Variants in ENTPD4 observed in about 807,000 individuals in gnomAD.
The protein encoded by ENTPD4 is ectonucleoside triphosphate diphosphohydrolase 4, also known as Golgi UDPase.
A neutral mutation model predicts 79.1 loss-of-function variants in ENTPD4; 60 were observed. The observed-to-expected ratio is 0.76, with a 90% CI of 0.62 to 0.94. The LOEUF (loss-of-function observed/expected upper bound fraction) is 0.94. Among genes scored for constraint, ENTPD4 ranks in the 40% least tolerant of loss-of-function variants. The pLI, the probability that ENTPD4 is intolerant of heterozygous loss-of-function variation, is 0.00. For missense variants in ENTPD4, 772 were observed against 775.1 expected, an observed-to-expected ratio of 1.00 and a Z score of 0.05; for synonymous variants, 276 against 292.0, an observed-to-expected ratio of 0.95 and a Z score of 0.56.
At chr8:23,436,847 T>G in intron 10 of ENTPD4, 87 bp downstream of exon 10, 1 of 1,056,504 alleles carries the variant, frequency 9.5e-7, no homozygotes, top group South Asian at 1.5e-5. Flanking sequence ...CGTCTTTCCC[T>G]GTCAATGTGA....
chr8:23,446,730 G>T (rs1006220902), intron 4 of ENTPD4, among the ~76,000 whole-genome samples: 16 of 152,162 alleles, frequency 1.1e-4, no homozygotes, highest in South Asian at 4.1e-4. Context: ...ATGAGGACTC[G>T]AGGGGTCACC....
rs1055518476 is a variant in ENTPD4, at chr8:23,432,706, G to A, written c.*220C>T. Reference sequence around the variant, plus strand: ...GTAGAGACGGGGTTTCACCGTGTTAGCCAGGATGGTCTCGATCTCCTGACC... The same window carrying A: ...GTAGAGACGGGGTTTCACCGTGTTAACCAGGATGGTCTCGATCTCCTGACC... On this transcript the variant is annotated 3_prime_UTR_variant, in exon 13 of 13. Transcript: ENST00000358689. 3.1e-5 allele frequency: 33 copies of A among 1,060,636 alleles called. No individual in the cohort carries two copies. In the Admixed American group the frequency reaches 1.0e-3, roughly 32 times the overall value. 65.7% of individuals were successfully genotyped at this position (1,060,636 alleles called of 1,614,324 possible).
At chr8:23,448,528 A>C (rs1004233998) in intron 3 of ENTPD4, among the ~76,000 whole-genome samples, 5 of 152,208 alleles carry the variant, frequency 3.3e-5, no homozygotes, top group Admixed American at 6.5e-5. Context: ...AACAGCAAGA[A>C]GACCTCCTCA....
At position 23,447,861 on chromosome 8, in the gene ENTPD4, A is replaced by G; in HGVS notation, c.231T>C (p.Ile77=). 1.2e-6 allele frequency: 2 copies of G among 1,614,166 alleles called. No homozygotes were observed. Among genetic ancestry groups the G allele is most frequent in the Non-Finnish European group, 8.5e-7 (1 of 1,180,010 alleles). ...TGGGGTTATTGGTGTCTGTAGCTTC[A>G]ATGTCGGTAACTCGTGCCAGGTACC... is the stretch of plus-strand genomic sequence containing the variant. ...FQRYLARVTD[I]EATDTNNPNV... is the part of the protein sequence containing the mutation. Residue 77 remains isoleucine (I), a synonymous_variant, in exon 4 of 13, where the codon ATT becomes ATC. Transcript: ENST00000358689.
chr8:23,439,281 G>A (rs1268831815), intron 9 of ENTPD4, among the ~76,000 whole-genome samples: 1 of 151,990 alleles, frequency 6.6e-6, no homozygotes, highest in Non-Finnish European at 1.5e-5. Flanking sequence ...TTCCCTTCAC[G>A]ATGGTTCTTA....
At chr8:23,436,881 T>G in intron 10 of ENTPD4, 53 bp downstream of exon 10, 1 of 1,386,456 alleles carries the variant, frequency 7.2e-7, no homozygotes, top group Non-Finnish European at 9.9e-7. Flanking sequence ...CCCGTCACCG[T>G]CCACACTGGT....
At chr8:23,440,575 A>G (rs1020042787) in intron 8 of ENTPD4, among the ~76,000 whole-genome samples, 1 of 152,176 alleles carries the variant, frequency 6.6e-6, no homozygotes, top group Admixed American at 6.5e-5. Flanking sequence ...TTTTACAAAG[A>G]GTGTAACAGT....
Position 23,432,932 on chromosome 8 carries a change from G to A in ENTPD4, c.1845C>T (p.Thr615=), listed in dbSNP as rs1228536507. The A allele has an allele frequency of 2.5e-6, 4 of 1,594,292 alleles. No homozygotes were observed. The highest frequency in any genetic ancestry group is 1.8e-5 in the Admixed American group (1 of 56,616). The change falls in exon 13 of 13, where the codon ACC becomes ACT. Residue 615 remains threonine (T), a synonymous_variant. Coordinates refer to ENST00000358689, the MANE Select transcript of ENTPD4 (RefSeq NM_004901.5). ...EGLPAQNAPG[T]L The stretch of plus-strand genomic sequence containing the variant: ...CGTGGAGCTGTGAGCTGGATCACAA[G>A]GTCCCCGGGGCATTCTGGGCGGGAA...
In ENTPD4 at chr8:23,429,655, G is replaced by C. The variant is rs1471640236; in HGVS notation, c.*3271C>G. 1 of 985,240 alleles carries C rather than the reference G, an allele frequency of 1.0e-6. No homozygotes were observed. The highest frequency in any genetic ancestry group is 1.7e-5 in the African/African-American group (1 of 57,228). 61.0% of individuals were successfully genotyped at this position (985,240 alleles called of 1,614,324 possible). On this transcript the variant is annotated 3_prime_UTR_variant, in exon 13 of 13. Coordinates refer to ENST00000358689, the MANE Select transcript of ENTPD4 (RefSeq NM_004901.5). Reference sequence around the variant, plus strand: ...AAATGTAAATATCTGTTTATCCAGAGTTTGTTAATCTAGAGTACACAGATG... The same window carrying C: ...AAATGTAAATATCTGTTTATCCAGACTTTGTTAATCTAGAGTACACAGATG...
chr8:23,455,925 C>T (rs1359605396), intron 1 of ENTPD4, among the ~76,000 whole-genome samples: 1 of 152,182 alleles, frequency 6.6e-6, no homozygotes, highest in Admixed American at 6.5e-5. Context: ...CCAAGCCAGT[C>T]GATTCTTCCT....
chr8:23,431,800 A>C lies in ENTPD4; in HGVS notation c.*1126T>G, dbSNP rs1800458577. The C allele has an allele frequency of 2.0e-6, 2 of 985,354 alleles. No homozygotes were observed. The highest frequency in any genetic ancestry group is 1.1e-4 in the East Asian group (1 of 8,830). The allele number at this position is 985,354 out of a possible 1,614,324, so 61.0% of individuals were successfully genotyped here. ...TGGGCATGTGCTCTAGTTCCAATAAAACCGAAACTGGTGAAACTAGGAATT... is the reference window on the plus strand; with the variant it reads ...TGGGCATGTGCTCTAGTTCCAATAACACCGAAACTGGTGAAACTAGGAATT... On this transcript the variant is annotated 3_prime_UTR_variant, in exon 13 of 13. Transcript: ENST00000358689.
At chr8:23,453,363 C>G (rs751682640) in intron 1 of ENTPD4, among the ~76,000 whole-genome samples, 13 of 152,158 alleles carry the variant, frequency 8.5e-5, no homozygotes, top group Non-Finnish European at 1.6e-4. Flanking sequence ...TTTAAAACTT[C>G]TGTGTGCTTA....
chr8:23,429,164 G>A lies in ENTPD4; in HGVS notation c.*3762C>T, dbSNP rs1800413394. 1.0e-6 allele frequency: 1 copy of A among 985,270 alleles called. No homozygotes were observed. The highest frequency in any genetic ancestry group is 1.7e-5 in the African/African-American group (1 of 57,226). 61.0% of individuals were successfully genotyped at this position (985,270 alleles called of 1,614,324 possible). A position where few individuals can be genotyped will look rare whatever the true frequency, so the allele number is the denominator to read the frequency against. ...AAGCCCACACAGTCTACGGGCCATG[G>A]GATGATGAACTTTCGTTTTATTGAT... On this transcript the variant is annotated 3_prime_UTR_variant, in exon 13 of 13. Transcript: ENST00000358689.
chr8:23,439,251 A>T (rs1412259562), intron 9 of ENTPD4, among the ~76,000 whole-genome samples: 2 of 152,210 alleles, frequency 1.3e-5, no homozygotes, highest in Non-Finnish European at 2.9e-5. Context: ...TCTTCTAGAT[A>T]ATTTATTTCT....
At chr8:23,443,818 C>T (rs775005881) in intron 6 of ENTPD4, 32 bp downstream of exon 6, 2 of 1,387,872 alleles carry the variant, frequency 1.4e-6, no homozygotes, top group Admixed American at 1.7e-5. Context: ...GAACAGCTTC[C>T]CAAATTTTAA....
intron 8 of ENTPD4, among the ~76,000 whole-genome samples, chr8:23,440,811 C>T (rs2117286860): frequency 6.6e-6 from 1 of 152,284 alleles, no homozygotes; most frequent in Admixed American, 6.5e-5. Context: ...AAGAAACCAG[C>T]TTAAAGAAGG....
intron 1 of ENTPD4, among the ~76,000 whole-genome samples, chr8:23,450,475 T>G (rs1305730074): frequency 3.9e-5 from 6 of 152,196 alleles, no homozygotes; most frequent in Non-Finnish European, 1.5e-5. Flanking sequence ...CCTCCAGGCC[T>G]CAAATTGCAG....
chr8:23,453,691 A>G (rs1203430918), intron 1 of ENTPD4, among the ~76,000 whole-genome samples: 1 of 152,254 alleles, frequency 6.6e-6, no homozygotes, highest in Non-Finnish European at 1.5e-5. Flanking sequence ...GACTCTGGAC[A>G]GGCACATCAC....
In ENTPD4 at chr8:23,448,777, C is replaced by T. The variant is rs376387144; in HGVS notation, c.171G>A (p.Lys57=). The T allele has an allele frequency of 6.8e-6, 11 of 1,614,016 alleles. No individual in the cohort carries two copies. The African/African-American group carries it at 1.3e-4, about 20-fold the overall frequency. ...TCTTGTCTCTGGTTAGTCGCCCATACTTATTTCGGATTATGACAACAGAAA... is the reference window on the plus strand; with the variant it reads ...TCTTGTCTCTGGTTAGTCGCCCATATTTATTTCGGATTATGACAACAGAAA... ...LYFSVVIIRN[K]YGRLTRDKKF... The change falls in exon 3 of 13, where the codon AAG becomes AAA. Residue 57 remains lysine, a synonymous_variant. Coordinates refer to ENST00000358689, the MANE Select transcript of ENTPD4 (RefSeq NM_004901.5).
Sources: gnomAD v4.1 joint callset for allele counts (sites outside exome capture counted in the v4.1 genomes callset) on GRCh38, gnomAD v4.1.1 for gene constraint, MANE v1.5 for transcripts, NCBI Gene and HGNC (gene_info 2026-07-23, HGNC 2026-07-21) for gene names.